ZNF841: variants seen among roughly 807,000 people sequenced by gnomAD.
The protein encoded by ZNF841 is TCONS_00006091.
A neutral mutation model predicts 13.0 loss-of-function variants in ZNF841; 11 were observed. The ratio of observed to expected loss-of-function variants is 0.85; its 90% confidence interval spans 0.53 to 1.40. The LOEUF (loss-of-function observed/expected upper bound fraction) is 1.40, where lower values mean the gene tolerates loss of function less well. ZNF841 is among the 40% of genes most tolerant of loss of function. The probability of loss-of-function intolerance (pLI) is 0.00; values close to 1 mark genes in which losing one functional copy is unlikely to be tolerated. For synonymous variants in ZNF841, 369 were observed against 381.6 expected, an observed-to-expected ratio of 0.97 and a Z score of 0.38; for missense variants, 1,068 against 1,139.5, an observed-to-expected ratio of 0.94 and a Z score of 0.90.
chr19:52,079,734 G>A (rs1437617515), intron 4 of ZNF841, among the ~76,000 whole-genome samples: 1 of 152,098 alleles, frequency 6.6e-6, no homozygotes, highest in Non-Finnish European at 1.5e-5. Flanking sequence ...GCTCATACCT[G>A]TAATTCCAGC....
intron 3 of ZNF841, among the ~76,000 whole-genome samples, chr19:52,085,937 G>A (rs2088259529): frequency 6.6e-6 from 1 of 152,188 alleles, no homozygotes; most frequent in South Asian, 2.1e-4. Context: ...TTAATGTCAT[G>A]TTTTCTCTGT....
chr19:52,091,875 C>G (rs1221311605), intron 2 of ZNF841, among the ~76,000 whole-genome samples: 1 of 152,126 alleles, frequency 6.6e-6, no homozygotes, highest in Non-Finnish European at 1.5e-5. Context: ...TTTGGCCAGG[C>G]GCAGTGGCTC....
At chr19:52,074,565 T>C (rs2087835881) in intron 6 of ZNF841, among the ~76,000 whole-genome samples, 1 of 135,220 alleles carries the variant, frequency 7.4e-6, no homozygotes, top group African/African-American at 2.7e-5. Context: ...TTCCCCAGGC[T>C]AGAGTGCATG....
chr19:52,085,002 G>C, intron 3 of ZNF841, 124 bp from the exon 4 acceptor site: 1 of 588,482 alleles, frequency 1.7e-6, no homozygotes, highest in Admixed American at 3.2e-5. Context: ...GGGGATGCAA[G>C]CATAATAAAC....
the ZNF841 span, among the ~76,000 whole-genome samples, chr19:52,059,390 T>TACACACACACAC: frequency 1.0e-5 from 1 of 96,388 alleles, no homozygotes; most frequent in African/African-American, 4.2e-5. Flanking sequence ...TATATATATA[T>TACACACACACAC]ACACACACAC....
Position 52,065,966 on chromosome 19 carries a change from C to A in ZNF841, c.1916G>T (p.Cys639Phe). 7.4e-6 allele frequency: 12 copies of A among 1,613,874 alleles called. No individual in the cohort carries two copies. Among genetic ancestry groups the A allele is most frequent in the Non-Finnish European group, 1.0e-5 (12 of 1,179,934 alleles). Residue 639 changes from cysteine (C) to phenylalanine (F), a missense_variant, in exon 7 of 7, where the codon TGC (cysteine) becomes TTC (phenylalanine). By Grantham distance (205) the Cys-to-Phe change is radical. Transcript: ENST00000594440. ...ECGKVFSYYS[C>F]LARHRKIHTG... ...ATGAATTTTCCGATGACGTGCTAGG[C>A]ATGAGTAGTAACTGAAGACCTTGCC... is the stretch of plus-strand genomic sequence containing the variant.
At position 52,084,770 on chromosome 19, in the gene ZNF841, C is replaced by T; in HGVS notation, c.15+17G>A. ...AAAGGGAGGAGACAGAACAATCCACCAAGATTATCACTTTACCTGAGGAAG... is the reference window on the plus strand; with the variant it reads ...AAAGGGAGGAGACAGAACAATCCACTAAGATTATCACTTTACCTGAGGAAG... On this transcript the variant is annotated intron_variant, in intron 4 of 6. Transcript: ENST00000594440. 6.2e-7 allele frequency: 1 copy of T among 1,613,230 alleles called. No homozygotes were observed. Among genetic ancestry groups the T allele is most frequent in the South Asian group, 1.1e-5 (1 of 90,944 alleles).
At position 52,088,943 on chromosome 19, in the gene ZNF841, T is replaced by C. The variant is rs959541031; in HGVS notation, c.-84A>G. 7.2e-5 allele frequency: 11 copies of C among 152,312 alleles called. No individual in the cohort carries two copies. Among genetic ancestry groups the C allele is most frequent in the Admixed American group, 4.6e-4 (7 of 15,294 alleles). 9.4% of individuals were successfully genotyped at this position (152,312 alleles called of 1,614,324 possible). A position where few individuals can be genotyped will look rare whatever the true frequency, so the allele number is the denominator to read the frequency against. Reference sequence around the variant, plus strand: ...TGACTTGCTTAATACGTACCATAGATTGAGGTGTGCGATTCAGTTGCCCGC... The same window carrying C: ...TGACTTGCTTAATACGTACCATAGACTGAGGTGTGCGATTCAGTTGCCCGC... On this transcript the variant is annotated 5_prime_UTR_variant, in exon 3 of 7. Coordinates refer to ENST00000594440, the MANE Select transcript of ZNF841 (RefSeq NM_001136499.2).
At chr19:52,084,349 C>T (rs2088200542) in intron 4 of ZNF841, among the ~76,000 whole-genome samples, 1 of 152,062 alleles carries the variant, frequency 6.6e-6, no homozygotes, top group African/African-American at 2.4e-5. Flanking sequence ...GGTATAAAAT[C>T]AGGCAGAAAA....
At chr19:52,071,832 C>T (rs1240655223) in intron 6 of ZNF841, among the ~76,000 whole-genome samples, 2 of 152,074 alleles carry the variant, frequency 1.3e-5, no homozygotes, top group African/African-American at 4.8e-5. Flanking sequence ...AACACAATGG[C>T]AATATAAGTC....
intron 4 of ZNF841, among the ~76,000 whole-genome samples, chr19:52,079,965 T>C (rs2088042204): frequency 1.5e-5 from 2 of 134,648 alleles, no homozygotes; most frequent in Admixed American, 1.7e-4. Flanking sequence ...TACTCCAGCC[T>C]GGGCAACAAG....
downstream of ZNF841, among the ~76,000 whole-genome samples, chr19:52,059,876 T>C (rs1365255694): frequency 6.6e-6 from 1 of 152,192 alleles, no homozygotes; most frequent in Non-Finnish European, 1.5e-5. Flanking sequence ...TAAAAGTACC[T>C]CTGATTGGTT....
chr19:52,076,072 A>C lies in ZNF841; in HGVS notation c.243T>G (p.Cys81Trp). The C allele has an allele frequency of 6.4e-7, 1 of 1,552,930 alleles. No individual in the cohort carries two copies. The highest frequency in any genetic ancestry group is 8.7e-7 in the Non-Finnish European group (1 of 1,147,738). ...SQVKIARNPN[C>W]GECMKGVITG... ...TGATCACGCCTTTCATGCATTCCCCACAGTTTGGGTTCCTCGCTATTTTCA... is the reference window on the plus strand; with the variant it reads ...TGATCACGCCTTTCATGCATTCCCCCCAGTTTGGGTTCCTCGCTATTTTCA... The change falls in exon 6 of 7, where the codon TGT (cysteine) becomes TGG (tryptophan). Residue 81 changes from cysteine (C) to tryptophan (W), a missense_variant. Coordinates refer to ENST00000594440, the MANE Select transcript of ZNF841 (RefSeq NM_001136499.2).
In ZNF841 at chr19:52,065,045, C is replaced by T; in HGVS notation, c.*62G>A. On this transcript the variant is annotated 3_prime_UTR_variant, in exon 7 of 7. Coordinates refer to ENST00000594440, the MANE Select transcript of ZNF841 (RefSeq NM_001136499.2). ...CCACCTCCAATACTGGAGATTACTA[C>T]AATTCCACATGAGACTTCAAAGGGA... 7.3e-7 allele frequency: 1 copy of T among 1,377,936 alleles called. No homozygotes were observed. The highest frequency in any genetic ancestry group is 9.6e-7 in the Non-Finnish European group (1 of 1,037,946). The allele number at this position is 1,377,936 out of a possible 1,614,324, so 85.4% of individuals were successfully genotyped here. A position where few individuals can be genotyped will look rare whatever the true frequency, so the allele number is the denominator to read the frequency against.
At chr19:52,074,329 ATG>A (rs1315885049) in intron 6 of ZNF841, among the ~76,000 whole-genome samples, 22 of 152,336 alleles carry the variant, frequency 1.4e-4, no homozygotes, top group African/African-American at 5.3e-4. Flanking sequence ...GATGAAAGCA[ATG>A]GTTGCTTAAA....
In ZNF841 at chr19:52,066,684, GTT is replaced by G. The variant is rs2087578874; in HGVS notation, c.1196_1197del (p.Lys399ThrfsTer5). On this transcript the variant is annotated frameshift_variant, in exon 7 of 7. Transcript: ENST00000594440. LOFTEE classifies it low-confidence loss of function (END_TRUNC). ...TTGCCACATTCATTACATTTGTAGG[GTT>G]TGTCTCCAGTATGAACTGTCTGATG... The part of the protein sequence containing the change: ...ATHQTVHTGD[K>X]PYKCNECGKT... 3.1e-6 allele frequency: 5 copies of G among 1,611,964 alleles called. No individual in the cohort carries two copies. Among genetic ancestry groups the G allele is most frequent in the Admixed American group, 1.7e-5 (1 of 59,598 alleles).
Position 52,065,598 on chromosome 19 carries a change from C to T in ZNF841, c.2284G>A (p.Glu762Lys). 6.2e-7 allele frequency: 1 copy of T among 1,613,602 alleles called. No individual in the cohort carries two copies. Among genetic ancestry groups the T allele is most frequent in the Non-Finnish European group, 8.5e-7 (1 of 1,179,746 alleles). The stretch of plus-strand genomic sequence containing the variant: ...CATTCATTACATTTGTAAGGTTTCT[C>T]TCCAGTATGAATTCTCCGATGCCTT... ...LARHRRIHTG[E>K]KPYKCNECGK... The change falls in exon 7 of 7, where the codon GAG (glutamate) becomes AAG (lysine). Residue 762 changes from glutamate to lysine, a missense_variant. Transcript: ENST00000594440.
chr19:52,065,131 G>C lies in ZNF841; in HGVS notation c.2751C>G (p.Val917=). The stretch of plus-strand genomic sequence containing the variant: ...ATTATTTGGGGATCCCAGAGGTTAG[G>C]ACAACATCTAACGGCCTTTCCACAT... The part of the protein sequence containing the change: ...KLNVERPLDV[V]LTSGIPK Residue 917 remains valine (V), a synonymous_variant, in exon 7 of 7, where the codon GTC becomes GTG. Transcript: ENST00000594440. The C allele has an allele frequency of 6.5e-7, 1 of 1,546,428 alleles. No homozygotes were observed. Among genetic ancestry groups the C allele is most frequent in the Non-Finnish European group, 8.7e-7 (1 of 1,149,004 alleles).
At chr19:52,064,353 C>CAAAAAAAA (rs56135758), downstream of ZNF841, 23 of 35,454 alleles carry the variant, frequency 6.5e-4, 5 homozygotes, top group South Asian at 1.3e-3. Context: ...ACTCCGTCTC[C>CAAAAAAAA]AAAAAAAAAA....
Sources: allele counts gnomAD v4.1 joint callset (sites outside exome capture counted in the v4.1 genomes callset), GRCh38; gene constraint gnomAD v4.1.1; transcripts MANE v1.5; gene names NCBI Gene and HGNC (gene_info 2026-07-23, HGNC 2026-07-21).